The following GRAMD2B variants were observed in gnomAD, a reference collection of about 807,000 sequenced individuals.
GRAMD2B encodes GRAM domain-containing protein 2B.
GRAMD2B carries 41 observed loss-of-function variants against 59.2 expected under a neutral mutation model. The ratio of observed to expected loss-of-function variants is 0.69; its 90% CI spans 0.54 to 0.90. The LOEUF (loss-of-function observed/expected upper bound fraction) is 0.90, where lower values mean the gene tolerates loss of function less well. Ranked by LOEUF, GRAMD2B falls within the 40% of genes least tolerant of loss-of-function variation. GRAMD2B has a pLI of 0.00. For synonymous variants in GRAMD2B, 161 were observed against 182.7 expected (o/e 0.88, Z 0.96); for missense variants, 424 against 500.5 (o/e 0.85, Z 1.46).
chr5:126,465,927 A>T (rs956060933), intron 2 of GRAMD2B, among the ~76,000 whole-genome samples: 2 of 152,114 alleles, frequency 1.3e-5, no homozygotes, highest in African/African-American at 4.8e-5. Flanking sequence ...AAGAATCCCC[A>T]TCCCGGGGAC....
At chr5:126,474,647 A>G (rs917068285) in intron 5 of GRAMD2B, among the ~76,000 whole-genome samples, 4 of 152,226 alleles carry the variant, frequency 2.6e-5, no homozygotes, top group Non-Finnish European at 5.9e-5. Flanking sequence ...GCAGAGCAGC[A>G]GGGACTGAAG....
intron 1 of GRAMD2B, among the ~76,000 whole-genome samples, chr5:126,437,441 A>G (rs1213743555): frequency 6.6e-6 from 1 of 152,160 alleles, no homozygotes; most frequent in Non-Finnish European, 1.5e-5. Context: ...CCCTTTTTTA[A>G]TAGTTGTGGG....
chr5:126,369,093 A>C (rs1754608800), upstream of GRAMD2B, among the ~76,000 whole-genome samples: 1 of 152,124 alleles, frequency 6.6e-6, no homozygotes, highest in South Asian at 2.1e-4. Context: ...CCACTCTCAC[A>C]CACATACCTG....
At chr5:126,466,155 C>A in intron 2 of GRAMD2B, 1 of 1,335,034 alleles carries the variant, frequency 7.5e-7, no homozygotes, top group Non-Finnish European at 1.0e-6. Context: ...TGGGTGAGTG[C>A]AGTTTATCTA....
intron 1 of GRAMD2B, chr5:126,458,718 A>T (rs1030937929): frequency 1.3e-5 from 2 of 152,142 alleles, no homozygotes; most frequent in Non-Finnish European, 2.9e-5. Flanking sequence ...GCTTTTCCCT[A>T]TTAACTGCCT....
chr5:126,494,323 G>T lies in GRAMD2B; in HGVS notation c.*1367G>T, dbSNP rs1464738059. 6.7e-6 allele frequency: 1 copy of T among 150,206 alleles called. No individual in the cohort carries two copies. 9.3% of individuals were successfully genotyped at this position (150,206 alleles called of 1,614,324 possible). ...AGGATTTAAGTTCTTGGGTTACAACGGTTTAAAGGAAAGAAAATGAACTTT... is the reference window on the plus strand; with the variant it reads ...AGGATTTAAGTTCTTGGGTTACAACTGTTTAAAGGAAAGAAAATGAACTTT... On this transcript the variant is annotated 3_prime_UTR_variant, in exon 14 of 14. Coordinates refer to ENST00000285689, the MANE Select transcript of GRAMD2B (RefSeq NM_023927.4).
intron 1 of GRAMD2B, among the ~76,000 whole-genome samples, chr5:126,435,469 C>A (rs1367747002): frequency 6.6e-6 from 1 of 152,048 alleles, no homozygotes; most frequent in East Asian, 1.9e-4. Flanking sequence ...TGGCAGGACT[C>A]GCAGGGAGAG....
chr5:126,469,185 A>AT (rs762378068), intron 2 of GRAMD2B, among the ~76,000 whole-genome samples: 4 of 152,280 alleles, frequency 2.6e-5, no homozygotes, highest in Non-Finnish European at 5.9e-5. Context: ...ACAGTTTTTG[A>AT]TTACAGCCTG....
At chr5:126,382,282 G>A (rs1487835815) in intron 1 of GRAMD2B, among the ~76,000 whole-genome samples, 1 of 152,160 alleles carries the variant, frequency 6.6e-6, no homozygotes, top group African/African-American at 2.4e-5. Context: ...CCTCAAATAT[G>A]TTTTCCAAAC....
chr5:126,436,285 G>T (rs1478207040), intron 1 of GRAMD2B, among the ~76,000 whole-genome samples: 1 of 151,846 alleles, frequency 6.6e-6, no homozygotes, highest in Non-Finnish European at 1.5e-5. Flanking sequence ...CACATTTTTT[G>T]AGGACCTACT....
rs749395208 is a variant in GRAMD2B at position 126,488,888 on chromosome 5, A to G, written c.1253A>G (p.Glu418Gly). 3.7e-6 allele frequency: 6 copies of G among 1,611,696 alleles called. No individual in the cohort carries two copies. The highest frequency in any genetic ancestry group is 5.1e-6 in the Non-Finnish European group (6 of 1,177,906). Residue 418 changes from glutamate to glycine, a missense_variant, in exon 13 of 14, where the codon GAA (glutamate) becomes GGA (glycine). Glu to Gly is a moderately conservative substitution (Grantham distance 98). Transcript: ENST00000285689. ...QELTANIVKL[E>G]KIQNNLQKLL... is the part of the protein sequence containing the mutation. ...CTTACAGCTAACATAGTGAAATTAG[A>G]AAAGGTGACCTATTTCTTTCCTGTG...
At position 126,426,870 on chromosome 5, in the gene GRAMD2B, G is replaced by A. The variant is rs145518550; in HGVS notation, c.83+3181G>A. ...GTTCATCTTTGTGCTAGAAGGTGAA[G>A]CTGCTGATACACTCATCACCGAACT... On this transcript the variant is annotated intron_variant, in intron 1 of 13. Coordinates refer to ENST00000285689, the MANE Select transcript of GRAMD2B (RefSeq NM_023927.4). Among the ~76,000 whole-genome samples the A allele has an allele frequency of 2.8e-4, 42 of 152,268 alleles. No individual in the cohort carries two copies. In the East Asian group the frequency reaches 7.7e-3, roughly 28 times the overall value.
chr5:126,469,688 G>A lies in GRAMD2B; in HGVS notation c.215G>A (p.Ser72Asn), dbSNP rs768639645. ...CTTTCTTTCTTTAGGTCAAAATCCA[G>A]TTTTGATGGTGCCTCTTTAGCAAGT... is the stretch of plus-strand genomic sequence containing the variant. ...KKIISLWSKSSFDGASLASDK... is the reference protein window; with the variant it reads ...KKIISLWSKSNFDGASLASDK... Residue 72 changes from serine (S) to asparagine (N), a missense_variant, in exon 3 of 14, where the codon AGT (serine) becomes AAT (asparagine). By Grantham distance (46) the Ser-to-Asn change is conservative. Transcript: ENST00000285689. 4 of 1,550,872 alleles carry A rather than the reference G, an allele frequency of 2.6e-6. No individual in the cohort carries two copies. The South Asian group carries it at 4.4e-5, about 17-fold the overall frequency.
intron 1 of GRAMD2B, among the ~76,000 whole-genome samples, chr5:126,388,228 C>T (rs1393138150): frequency 6.6e-6 from 1 of 151,920 alleles, no homozygotes; most frequent in African/African-American, 2.4e-5. Flanking sequence ...CAAAAATTAG[C>T]CAGGTGTGGT....
intron 1 of GRAMD2B, among the ~76,000 whole-genome samples, chr5:126,435,947 C>G (rs538202746): frequency 1.8e-4 from 28 of 152,174 alleles, no homozygotes; most frequent in Non-Finnish European, 3.1e-4. Context: ...ATCAGACAAC[C>G]CTGCTTTGCC....
At chr5:126,401,649 A>G (rs1757851233) in intron 1 of GRAMD2B, among the ~76,000 whole-genome samples, 1 of 152,066 alleles carries the variant, frequency 6.6e-6, no homozygotes, top group African/African-American at 2.4e-5. Flanking sequence ...GGCCTCTTAA[A>G]TCTTTTCTGT....
At chr5:126,399,419 G>A (rs1183371965) in intron 1 of GRAMD2B, among the ~76,000 whole-genome samples, 2 of 152,102 alleles carry the variant, frequency 1.3e-5, no homozygotes, top group African/African-American at 4.8e-5. Flanking sequence ...GTTGGATCAT[G>A]GAGGCAGTTT....
At chr5:126,419,536 C>G (rs1307645507), upstream of GRAMD2B, among the ~76,000 whole-genome samples, 1 of 152,142 alleles carries the variant, frequency 6.6e-6, no homozygotes, top group Non-Finnish European at 1.5e-5. Context: ...ACCATATCAC[C>G]TTGCAACCAA....
intron 3 of GRAMD2B, among the ~76,000 whole-genome samples, chr5:126,471,396 T>G (rs778941701): frequency 1.6e-4 from 25 of 152,182 alleles, no homozygotes; most frequent in Non-Finnish European, 1.0e-4. Flanking sequence ...TCTTAATAGC[T>G]ATATGATGCA....
Sources: gnomAD v4.1 joint callset for allele counts (sites outside exome capture counted in the v4.1 genomes callset) on GRCh38, gnomAD v4.1.1 for gene constraint, MANE v1.5 for transcripts, NCBI Gene and HGNC (gene_info 2026-07-23, HGNC 2026-07-21) for gene names.